Variants in CHRNA5 observed in about 807,000 individuals in gnomAD.
CHRNA5 encodes cholinergic receptor nicotinic alpha 5 subunit.
CHRNA5 carries 28 observed loss-of-function variants against 41.2 expected under a neutral mutation model. The observed-to-expected ratio is 0.68, with a 90% CI of 0.50 to 0.93. The LOEUF (loss-of-function observed/expected upper bound fraction) is 0.93. Ranked by LOEUF, CHRNA5 falls within the 40% of genes least tolerant of loss-of-function variation. The pLI, the probability that CHRNA5 is intolerant of heterozygous loss-of-function variation, is 0.00. For synonymous variants in CHRNA5, 188 were observed against 205.8 expected (o/e 0.91, Z 0.74); for missense variants, 481 against 581.9 (o/e 0.83, Z 1.78).
intron 4 of CHRNA5, 48 bp from the exon 5 acceptor site, chr15:78,589,756 TG>T: frequency 7.5e-7 from 1 of 1,328,740 alleles, no homozygotes; most frequent in Non-Finnish European, 1.0e-6. Context: ...ATACAATTCA[TG>T]TGCATTGTTT....
At chr15:78,585,270 A>G (rs1447803887) in intron 2 of CHRNA5, among the ~76,000 whole-genome samples, 2 of 152,066 alleles carry the variant, frequency 1.3e-5, no homozygotes. Flanking sequence ...TGTAAGAGAG[A>G]TGGCCGTGCT....
chr15:78,590,719 A>C (rs1443574412), intron 5 of CHRNA5, 83 bp downstream of exon 5: 11 of 1,118,960 alleles, frequency 9.8e-6, no homozygotes, highest in African/African-American at 4.7e-5. Flanking sequence ...CAGAGTAAAC[A>C]GCATGACCCT....
At chr15:78,582,530 G>A (rs1222844637) in intron 2 of CHRNA5, among the ~76,000 whole-genome samples, 1 of 151,542 alleles carries the variant, frequency 6.6e-6, no homozygotes, top group Non-Finnish European at 1.5e-5. Context: ...GGTGGGGCTT[G>A]CTCTCAAAGA....
chr15:78,585,960 AT>A (rs5813929), intron 2 of CHRNA5, among the ~76,000 whole-genome samples: 95,236 of 147,116 alleles, frequency 0.65, 30,905 homozygotes, highest in East Asian at 0.82. Flanking sequence ...AATTTTTTGT[AT>A]TTTTTTTTTT....
At chr15:78,591,720 A>G (rs1258427315) in intron 5 of CHRNA5, among the ~76,000 whole-genome samples, 10 of 152,230 alleles carry the variant, frequency 6.6e-5, no homozygotes, top group African/African-American at 1.9e-4. Flanking sequence ...TTGTATTTCA[A>G]TAGGTTTTTG....
chr15:78,590,670 T>C (rs759551526), intron 5 of CHRNA5, 34 bp downstream of exon 5: 1 of 1,538,236 alleles, frequency 6.5e-7, no homozygotes, highest in Non-Finnish European at 8.8e-7. Context: ...GCAGATCTTC[T>C]TCCATTTTAA....
intron 5 of CHRNA5, 72 bp from the exon 6 acceptor site, chr15:78,593,020 T>A: frequency 6.5e-7 from 1 of 1,543,946 alleles, no homozygotes; most frequent in Non-Finnish European, 8.7e-7. Context: ...TCTAACTCAG[T>A]GTGTTTGTTA....
intron 1 of CHRNA5, among the ~76,000 whole-genome samples, chr15:78,575,112 A>C (rs867234674): frequency 7.2e-5 from 11 of 152,272 alleles, no homozygotes; most frequent in South Asian, 2.1e-4. Flanking sequence ...ACTAAAACTA[A>C]GGAGCAAGGT....
At chr15:78,573,345 C>T (rs1466242967) in intron 1 of CHRNA5, among the ~76,000 whole-genome samples, 1 of 152,180 alleles carries the variant, frequency 6.6e-6, no homozygotes, top group Non-Finnish European at 1.5e-5. Context: ...GTGGCAGGGG[C>T]GCCATTCTCA....
chr15:78,586,427 T>C (rs1356561316), intron 2 of CHRNA5, among the ~76,000 whole-genome samples: 1 of 152,234 alleles, frequency 6.6e-6, no homozygotes, highest in Non-Finnish European at 1.5e-5. Context: ...CAAAGGTATC[T>C]TTTAGTGTAG....
chr15:78,590,361 G>A, exon 5 of CHRNA5: 5 of 1,614,086 alleles, frequency 3.1e-6, no homozygotes, highest in Non-Finnish European at 4.2e-6. Flanking sequence ...CATGATTTTT[G>A]TGACACTGTC....
intron 1 of CHRNA5, among the ~76,000 whole-genome samples, chr15:78,568,727 T>C (rs1003691786): frequency 3.3e-5 from 5 of 152,176 alleles, no homozygotes; most frequent in Non-Finnish European, 7.3e-5. Context: ...AAAGAGAACA[T>C]GCGGTGTTTG....
intron 1 of CHRNA5, among the ~76,000 whole-genome samples, chr15:78,570,457 A>G (rs1194499168): frequency 1.5e-5 from 1 of 65,716 alleles, no homozygotes; most frequent in Non-Finnish European, 2.7e-5. Context: ...TTTAGTAAAG[A>G]CAGGGTTTCA....
At chr15:78,579,719 A>G (rs925221201) in intron 1 of CHRNA5, among the ~76,000 whole-genome samples, 9 of 152,050 alleles carry the variant, frequency 5.9e-5, no homozygotes, top group African/African-American at 2.2e-4. Flanking sequence ...TAGATTCACC[A>G]TTGACCTCAC....
intron 1 of CHRNA5, 46 bp downstream of exon 1, chr15:78,565,871 C>G (rs943179051): frequency 3.5e-6 from 4 of 1,135,274 alleles, no homozygotes; most frequent in Non-Finnish European, 4.4e-6. Context: ...GGCCCGGACT[C>G]CACATCGCGG....
intron 4 of CHRNA5, chr15:78,589,334 A>G (rs2052988932): frequency 6.5e-6 from 1 of 153,200 alleles, no homozygotes; most frequent in South Asian, 2.1e-4. Context: ...AGAGCTTGAG[A>G]GGCATAGCTG....
At position 78,586,635 on chromosome 15, in the gene CHRNA5, T is replaced by G; in HGVS notation, c.259-10T>G. 1 of 1,518,600 alleles carries G rather than the reference T, an allele frequency of 6.6e-7. No individual in the cohort carries two copies. Among genetic ancestry groups the G allele is most frequent in the Non-Finnish European group, 9.0e-7 (1 of 1,111,852 alleles). 94.1% of individuals were successfully genotyped at this position (1,518,600 alleles called of 1,614,324 possible). On this transcript the variant is annotated splice_polypyrimidine_tract_variant and intron_variant, in intron 2 of 5. Transcript: ENST00000299565. ...GAAATCAATCTTATTTAAATTTTTA[T>G]TTTTTAAAGGATGAGAAAAATCAGT...
In CHRNA5 at chr15:78,570,459, A is replaced by C. The variant is rs868095706; in HGVS notation, c.106+4634A>C. ...TTTTTTTTTTTTTTTTAGTAAAGAC[A>C]GGGTTTCACCATGTTGGCCAGGCTG... On this transcript the variant is annotated intron_variant, in intron 1 of 5. Transcript: ENST00000299565. Among the ~76,000 whole-genome samples the C allele has an allele frequency of 1.1e-4, 9 of 80,448 alleles. No individual in the cohort carries two copies. In the South Asian group the frequency reaches 1.8e-3, roughly 16 times the overall value. The allele number at this position is 80,448 out of a possible 152,430, so 52.8% of individuals were successfully genotyped here.
Position 78,589,890 on chromosome 15 carries a change from A to T in CHRNA5, c.499A>T (p.Lys167Ter). The T allele has an allele frequency of 1.2e-6, 2 of 1,614,192 alleles. No individual in the cohort carries two copies. Among genetic ancestry groups the T allele is most frequent in the Non-Finnish European group, 1.7e-6 (2 of 1,180,036 alleles). ...CACCTGGACTCCACCGGCAAACTAC[A>T]AAAGTTCCTGTACCATAGATGTCAC... The change falls in exon 5 of 6, where the codon AAA becomes TAA. Residue 167 changes from lysine (K) to a stop codon, truncating the protein, a stop_gained. Transcript: ENST00000299565. LOFTEE classifies it high-confidence loss of function.
Sources: allele counts gnomAD v4.1 joint callset (sites outside exome capture counted in the v4.1 genomes callset), GRCh38; gene constraint gnomAD v4.1.1; transcripts MANE v1.5; gene names NCBI Gene and HGNC (gene_info 2026-07-23, HGNC 2026-07-21).